VEPH1: variants seen among roughly 807,000 people sequenced by gnomAD.
The protein encoded by VEPH1 is ventricular zone-expressed PH domain-containing protein homolog 1.
Under a neutral mutation model 85.2 loss-of-function variants are expected in VEPH1, and 80 were observed. The ratio of observed to expected loss-of-function variants is 0.94; its 90% confidence interval spans 0.78 to 1.13. The LOEUF is 1.13. VEPH1 is among the 50% of genes most tolerant of loss of function. The pLI is 0.00. For missense variants in VEPH1, 955 were observed against 980.5 expected (o/e 0.97, Z 0.35); for synonymous variants, 297 against 348.0 (o/e 0.85, Z 1.63).
chr3:157,411,843 T>C (rs1292289733), intron 6 of VEPH1, among the ~76,000 whole-genome samples: 1 of 152,182 alleles, frequency 6.6e-6, no homozygotes, highest in African/African-American at 2.4e-5. Context: ...GTCATACAAG[T>C]GTCACCAAAT....
rs1187062371 is a variant in VEPH1 at position 157,495,252 on chromosome 3, G to A, written c.98C>T (p.Thr33Ile). 6.2e-6 allele frequency: 10 copies of A among 1,614,004 alleles called. No individual in the cohort carries two copies. The highest frequency in any genetic ancestry group is 8.5e-6 in the Non-Finnish European group (10 of 1,179,932). The change falls in exon 2 of 14, where the codon ACA becomes ATA. Residue 33 changes from threonine to isoleucine, a missense_variant. Thr to Ile is a moderately conservative substitution (Grantham distance 89, BLOSUM62 -1). Transcript: ENST00000362010. Reference sequence around the variant, plus strand: ...TATCTTAATTTGCTCCAAAGCTTCTGTAAGGCTGTCTTCAATCTCAGAGTC... The same window carrying A: ...TATCTTAATTTGCTCCAAAGCTTCTATAAGGCTGTCTTCAATCTCAGAGTC... ...LDDSEIEDSL[T>I]EALEQIKIIS...
At chr3:157,288,319 G>T (rs1717042663) in intron 11 of VEPH1, among the ~76,000 whole-genome samples, 1 of 152,164 alleles carries the variant, frequency 6.6e-6, no homozygotes, top group Non-Finnish European at 1.5e-5. Flanking sequence ...TATAGGAATA[G>T]TTCTTAGAAT....
At chr3:157,331,437 GC>G (rs1722495764) in intron 9 of VEPH1, among the ~76,000 whole-genome samples, 1 of 152,094 alleles carries the variant, frequency 6.6e-6, no homozygotes. Context: ...ACTTCTTTCA[GC>G]CCCATGCATG....
intron 9 of VEPH1, 125 bp downstream of exon 9, chr3:157,363,227 ATGTAAGGTATTT>A: frequency 1.2e-6 from 1 of 832,300 alleles, no homozygotes; most frequent in Non-Finnish European, 1.8e-6. Context: ...AACTAACATA[ATGTAAGGTATTT>A]AAAAAAAATG....
intron 9 of VEPH1, among the ~76,000 whole-genome samples, chr3:157,331,857 G>A: frequency 6.6e-6 from 1 of 152,106 alleles, no homozygotes; most frequent in East Asian, 1.9e-4. Context: ...ATTATCACAG[G>A]ACAAGGTCAG....
chr3:157,469,371 A>G (rs1203658274), intron 3 of VEPH1, among the ~76,000 whole-genome samples: 3 of 152,220 alleles, frequency 2.0e-5, no homozygotes, highest in African/African-American at 7.2e-5. Context: ...TGCAACATGC[A>G]CTGCTAAGCA....
rs573621209 is a variant in VEPH1, at chr3:157,337,306, T to A, written c.1736-20105A>T. Among the ~76,000 whole-genome samples the A allele has an allele frequency of 2.0e-5, 3 of 152,254 alleles. No individual in the cohort carries two copies. In the South Asian group the frequency reaches 6.2e-4, roughly 32 times the overall value. On this transcript the variant is annotated intron_variant, in intron 9 of 13. Coordinates refer to ENST00000362010, the MANE Select transcript of VEPH1 (RefSeq NM_001167912.2). Reference sequence around the variant, plus strand: ...AAGAAAATGTTAGTTAACATGACTGTTGTTTCCAGTGTTTCAACAAAAATA... The same window carrying A: ...AAGAAAATGTTAGTTAACATGACTGATGTTTCCAGTGTTTCAACAAAAATA...
chr3:157,368,004 TA>T (rs1388248963), intron 7 of VEPH1, among the ~76,000 whole-genome samples: 2 of 152,234 alleles, frequency 1.3e-5, no homozygotes, highest in Non-Finnish European at 2.9e-5. Flanking sequence ...TTTTTATTCT[TA>T]AAAAAGTTTC....
chr3:157,380,049 C>T (rs1054796864), intron 7 of VEPH1, among the ~76,000 whole-genome samples: 1 of 152,168 alleles, frequency 6.6e-6, no homozygotes, highest in Non-Finnish European at 1.5e-5. Flanking sequence ...AAACCCCTCC[C>T]TCAACCTTGC....
At chr3:157,316,928 G>T (rs532467414) in intron 10 of VEPH1, 134 bp downstream of exon 10, 15 of 882,080 alleles carry the variant, frequency 1.7e-5, no homozygotes, top group Non-Finnish European at 2.3e-5. Flanking sequence ...CGAGGTTAAA[G>T]TTATTAATGA....
chr3:157,482,985 T>C (rs73158534), intron 2 of VEPH1, among the ~76,000 whole-genome samples: 12,578 of 152,208 alleles, frequency 0.083, 767 homozygotes, highest in Middle Eastern at 0.14. Flanking sequence ...GTTGATATTT[T>C]TATACATTTA....
At chr3:157,295,553 T>C (rs1383235521) in intron 11 of VEPH1, among the ~76,000 whole-genome samples, 4 of 152,176 alleles carry the variant, frequency 2.6e-5, no homozygotes, top group African/African-American at 4.8e-5. Flanking sequence ...CTTCCCATGA[T>C]GCTGGAATTT....
chr3:157,378,320 ATATATATATATATATAT>A (rs1728373275), intron 7 of VEPH1, among the ~76,000 whole-genome samples: 1 of 16,420 alleles, frequency 6.1e-5, no homozygotes, highest in Admixed American at 9.0e-4. Flanking sequence ...ATATATATAT[ATATATATATATATATAT>A]ATATATATAT....
At chr3:157,501,631 A>C (rs1056821067) in intron 1 of VEPH1, among the ~76,000 whole-genome samples, 8 of 152,166 alleles carry the variant, frequency 5.3e-5, no homozygotes, top group African/African-American at 1.9e-4. Context: ...TGGAGGACTT[A>C]ATCGCCACAC....
intron 2 of VEPH1, among the ~76,000 whole-genome samples, chr3:157,474,065 A>C (rs1183340770): frequency 6.6e-6 from 1 of 152,016 alleles, no homozygotes; most frequent in Non-Finnish European, 1.5e-5. Context: ...ATTTGGTCTT[A>C]TGTTTGTCAG....
chr3:157,340,096 C>T (rs146635570), intron 9 of VEPH1, among the ~76,000 whole-genome samples: 2,680 of 152,234 alleles, frequency 0.018, 91 homozygotes, highest in African/African-American at 0.061. Context: ...CCAGCGTGAG[C>T]GACGCAGAAG....
rs1189421536 is a variant in VEPH1 at position 157,475,450 on chromosome 3, CAT to C, written c.139-4923_139-4922del. Among the ~76,000 whole-genome samples the C allele has an allele frequency of 4.6e-5, 7 of 152,180 alleles. 1 individual carries two copies. The highest frequency in any genetic ancestry group is 1.7e-4 in the African/African-American group (7 of 41,442). ...TATGATAGATACATTTGGCCTTAAA[CAT>C]GTCATATTAGCTCATATTACGCTTG... On this transcript the variant is annotated intron_variant, in intron 2 of 13. Transcript: ENST00000362010.
rs116229595 is a variant in VEPH1 at position 157,352,958 on chromosome 3, G to C, written c.1735+10406C>G. On this transcript the variant is annotated intron_variant, in intron 9 of 13. Coordinates refer to ENST00000362010, the MANE Select transcript of VEPH1 (RefSeq NM_001167912.2). The stretch of plus-strand genomic sequence containing the variant: ...AAAAGGGTCTCTGGAGCCTCTATAG[G>C]GAGCAGAGCTTGCAAACCCATGGCT... Among the ~76,000 whole-genome samples the C allele has an allele frequency of 8.1e-3, 1,232 of 152,244 alleles. 24 individuals carry two copies. The highest frequency in any genetic ancestry group is 0.028 in the African/African-American group (1,149 of 41,530).
chr3:157,440,257 G>A (rs943371114), intron 4 of VEPH1, among the ~76,000 whole-genome samples: 3 of 152,184 alleles, frequency 2.0e-5, no homozygotes, highest in Non-Finnish European at 4.4e-5. Flanking sequence ...GCATGACAGA[G>A]CCAGTTTTGT....
Sources: gnomAD v4.1 joint callset for allele counts (sites outside exome capture counted in the v4.1 genomes callset) on GRCh38, gnomAD v4.1.1 for gene constraint, MANE v1.5 for transcripts, NCBI Gene and HGNC (gene_info 2026-07-23, HGNC 2026-07-21) for gene names.